Variants in BACH2 observed in about 807,000 individuals in gnomAD.
BACH2 encodes BACH transcriptional regulator 2, also known as transcription regulator protein BACH2.
In BACH2, 5 loss-of-function variants were observed where a neutral mutation model predicts 61.8. The ratio of observed to expected loss-of-function variants is 0.08; its 90% CI spans 0.04 to 0.17. The LOEUF is 0.17. Among genes scored for constraint, BACH2 ranks in the 10% least tolerant of loss-of-function variants. The pLI, the probability that BACH2 is intolerant of heterozygous loss-of-function variation, is 1.00. For missense variants in BACH2, 824 were observed against 1,091.1 expected (o/e 0.76, Z 3.45); for synonymous variants, 446 against 440.1 (o/e 1.01, Z -0.17).
At chr6:90,292,576 G>C (rs1418899960) in intron 1 of BACH2, among the ~76,000 whole-genome samples, 2 of 152,154 alleles carry the variant, frequency 1.3e-5, no homozygotes, top group Non-Finnish European at 2.9e-5. Flanking sequence ...TCCCTGAGTG[G>C]GACTCAATGT....
chr6:89,977,686 G>A (rs192170165), intron 6 of BACH2, among the ~76,000 whole-genome samples: 15 of 152,228 alleles, frequency 9.9e-5, no homozygotes, highest in African/African-American at 2.4e-4. Context: ...GGAGCCTATC[G>A]CTTCTTGAGT....
chr6:90,276,336 C>T (rs1425419263), intron 1 of BACH2, among the ~76,000 whole-genome samples: 3 of 152,178 alleles, frequency 2.0e-5, no homozygotes, highest in African/African-American at 7.2e-5. Context: ...AATGAGAGCA[C>T]AGAAAATGTG....
chr6:90,228,609 C>G (rs1051770277), intron 3 of BACH2, among the ~76,000 whole-genome samples: 4 of 152,076 alleles, frequency 2.6e-5, no homozygotes, highest in African/African-American at 4.8e-5. Context: ...ATTAGCCAGG[C>G]TTGGTGGCAC....
At chr6:90,128,684 C>A (rs1783968804) in intron 4 of BACH2, among the ~76,000 whole-genome samples, 1 of 152,150 alleles carries the variant, frequency 6.6e-6, no homozygotes, top group Admixed American at 6.5e-5. Flanking sequence ...ACTAGAAATA[C>A]CATTTGACCC....
chr6:90,105,028 A>G (rs886980619), intron 4 of BACH2, among the ~76,000 whole-genome samples: 4 of 152,240 alleles, frequency 2.6e-5, no homozygotes, highest in Non-Finnish European at 5.9e-5. Context: ...ATAAATTTTA[A>G]TATTTAAGCA....
intron 5 of BACH2, chr6:90,062,968 C>A: frequency 2.0e-6 from 2 of 977,110 alleles, no homozygotes; most frequent in Non-Finnish European, 2.4e-6. Flanking sequence ...TTTTACCTGG[C>A]AATTTGAATA....
intron 5 of BACH2, among the ~76,000 whole-genome samples, chr6:90,028,303 C>T (rs1778741798): frequency 6.6e-6 from 1 of 152,206 alleles, no homozygotes. Flanking sequence ...ACTCTCATGC[C>T]AAAAGAAGGC....
chr6:90,241,734 G>T (rs1770460192), intron 3 of BACH2, among the ~76,000 whole-genome samples: 2 of 151,952 alleles, frequency 1.3e-5, no homozygotes, highest in South Asian at 4.2e-4. Flanking sequence ...GCCACAGGAA[G>T]TTGCCAAACT....
At chr6:89,984,210 G>A (rs78004807) in intron 6 of BACH2, among the ~76,000 whole-genome samples, 13,938 of 152,054 alleles carry the variant, frequency 0.092, 683 homozygotes, top group African/African-American at 0.12. Context: ...CATTCTGTAG[G>A]AGAATATCTA....
At chr6:90,057,337 A>G (rs1192901507) in intron 5 of BACH2, among the ~76,000 whole-genome samples, 1 of 152,250 alleles carries the variant, frequency 6.6e-6, no homozygotes, top group East Asian at 1.9e-4. Flanking sequence ...AGAGAATATG[A>G]TAAACACCTC....
In BACH2 at chr6:90,214,653, C is replaced by T. The variant is rs1269318490; in HGVS notation, c.-274-7972G>A. On this transcript the variant is annotated intron_variant, in intron 3 of 8. Coordinates refer to ENST00000257749, the MANE Select transcript of BACH2 (RefSeq NM_021813.4). ...CCAGAATGGGTTATATGCCTTGTTC[C>T]TCTTGAGAAGAAACTTTCATTAATC... Among the ~76,000 whole-genome samples the T allele has an allele frequency of 2.0e-5, 3 of 151,856 alleles. No homozygotes were observed. The East Asian group carries it at 5.8e-4, about 29-fold the overall frequency.
intron 3 of BACH2, among the ~76,000 whole-genome samples, chr6:90,209,242 T>C (rs903865832): frequency 2.2e-5 from 3 of 139,220 alleles, no homozygotes; most frequent in African/African-American, 7.4e-5. Flanking sequence ...CAATAGCATA[T>C]TTTAACAATA....
intron 3 of BACH2, among the ~76,000 whole-genome samples, chr6:90,236,760 T>A (rs4707609): frequency 6.6e-6 from 1 of 151,954 alleles, no homozygotes; most frequent in Non-Finnish European, 1.5e-5. Flanking sequence ...CATGAAGCTA[T>A]CTTACTTTAG....
intron 5 of BACH2, among the ~76,000 whole-genome samples, chr6:90,082,103 G>T (rs932502686): frequency 2.6e-5 from 4 of 152,212 alleles, no homozygotes; most frequent in Admixed American, 2.0e-4. Flanking sequence ...ATCAGAATTT[G>T]ATTGGAGTTC....
intron 4 of BACH2, among the ~76,000 whole-genome samples, chr6:90,178,311 A>C (rs1429980871): frequency 6.6e-6 from 1 of 152,140 alleles, no homozygotes; most frequent in Non-Finnish European, 1.5e-5. Context: ...AGTATACTAC[A>C]TCTTAAACAT....
intron 5 of BACH2, among the ~76,000 whole-genome samples, chr6:90,078,055 T>C (rs533442926): frequency 6.6e-6 from 1 of 152,124 alleles, no homozygotes. Context: ...AAAATAAAAA[T>C]AAAAGCAACA....
At chr6:90,286,305 G>C (rs1772014851) in intron 1 of BACH2, among the ~76,000 whole-genome samples, 1 of 152,168 alleles carries the variant, frequency 6.6e-6, no homozygotes, top group Non-Finnish European at 1.5e-5. Context: ...GTTTAATGTG[G>C]GAAATTTAAA....
In BACH2 at chr6:89,979,266, C is replaced by T. The variant is rs1190599566; in HGVS notation, c.244-27404G>A. 5.3e-5 allele frequency among the ~76,000 whole-genome samples: 8 copies of T among 152,302 alleles called. No homozygotes were observed. In the East Asian group the frequency reaches 1.5e-3, roughly 29 times the overall value. On this transcript the variant is annotated intron_variant, in intron 6 of 8. Coordinates refer to ENST00000257749, the MANE Select transcript of BACH2 (RefSeq NM_021813.4). ...TCACCTAATACAAACCACATACTTG[C>T]CTGCCTCTAGAACTTTGCTAAATGA...
chr6:89,964,729 G>T (rs930083407), intron 6 of BACH2, among the ~76,000 whole-genome samples: 1 of 152,122 alleles, frequency 6.6e-6, no homozygotes, highest in African/African-American at 2.4e-5. Flanking sequence ...ACCTAATTCT[G>T]TACATGGGAA....
Sources: gnomAD v4.1 joint callset for allele counts (sites outside exome capture counted in the v4.1 genomes callset) on GRCh38, gnomAD v4.1.1 for gene constraint, MANE v1.5 for transcripts, NCBI Gene and HGNC (gene_info 2026-07-23, HGNC 2026-07-21) for gene names.